TERB1: variants seen among roughly 807,000 people sequenced by gnomAD.
TERB1 encodes the protein telomere repeat binding bouquet formation protein 1.
In TERB1, 63 loss-of-function variants were observed where a neutral mutation model predicts 92.3. The observed-to-expected ratio is 0.68, with a 90% CI of 0.56 to 0.84. The LOEUF (loss-of-function observed/expected upper bound fraction) is 0.84, where lower values mean the gene tolerates loss of function less well. Among genes scored for constraint, TERB1 ranks in the 40% least tolerant of loss-of-function variants. TERB1 has a pLI of 0.00. For synonymous variants in TERB1, 252 were observed against 283.9 expected, an observed-to-expected ratio of 0.89 and a Z score of 1.13; for missense variants, 709 against 843.7, an observed-to-expected ratio of 0.84 and a Z score of 1.98.
At position 66,767,472 on chromosome 16, in the gene TERB1, C is replaced by T. The variant is rs748925835; in HGVS notation, c.1723G>A (p.Val575Ile). The change falls in exon 16 of 19, where the codon GTA becomes ATA. Residue 575 changes from valine to isoleucine, a missense_variant. Transcript: ENST00000433154. ...CTGGGAGTTGCTAGAAAACTGACTACTTCTTTATTTATTATATCTGAACAT... is the reference window on the plus strand; with the variant it reads ...CTGGGAGTTGCTAGAAAACTGACTATTTCTTTATTTATTATATCTGAACAT... ...TLCSDIINKE[V>I]VSFLATPSCS... 6.5e-6 allele frequency: 10 copies of T among 1,526,968 alleles called. No individual in the cohort carries two copies. In the South Asian group the frequency reaches 1.3e-4, roughly 19 times the overall value. 94.6% of individuals were successfully genotyped at this position (1,526,968 alleles called of 1,614,324 possible). A position where few individuals can be genotyped will look rare whatever the true frequency, so the allele number is the denominator to read the frequency against.
At chr16:66,768,045 A>G in intron 15 of TERB1, 59 bp downstream of exon 15, 1 of 1,339,954 alleles carries the variant, frequency 7.5e-7, no homozygotes, top group Non-Finnish European at 1.0e-6. Flanking sequence ...ATTTTTAGCT[A>G]TATTGGTTAC....
intron 16 of TERB1, among the ~76,000 whole-genome samples, chr16:66,761,924 G>A (rs373123503): frequency 2.6e-5 from 4 of 152,124 alleles, no homozygotes; most frequent in East Asian, 3.9e-4. Context: ...GTATTGGCGC[G>A]CCCCTGTAAT....
intron 3 of TERB1, among the ~76,000 whole-genome samples, chr16:66,794,922 AACACACACAC>A (rs57731987): frequency 8.2e-5 from 12 of 146,246 alleles, no homozygotes; most frequent in East Asian, 2.0e-4. Flanking sequence ...AAAAAAAAAA[AACACACACAC>A]ACACACACAC....
rs988290045 is a variant in TERB1 at position 66,770,041 on chromosome 16, A to G, written c.1541T>C (p.Leu514Ser). 6.4e-7 allele frequency: 1 copy of G among 1,551,784 alleles called. No homozygotes were observed. The highest frequency in any genetic ancestry group is 2.0e-5 in the Admixed American group (1 of 50,994). Residue 514 changes from leucine (L) to serine (S), a missense_variant, in exon 14 of 19, where the codon TTA becomes TCA. Leu to Ser is a moderately radical substitution (Grantham distance 145). Transcript: ENST00000433154. ...CYRESEQNKT[L>S]YKAKSSCNQN... is the part of the protein sequence containing the mutation. ...ATTGCAGCTTGACTTGGCTTTATAT[A>G]AAGTCTTATTTTGCTCACTCTCCCT...
intron 16 of TERB1, among the ~76,000 whole-genome samples, chr16:66,760,350 T>C (rs1488815956): frequency 1.4e-5 from 2 of 138,796 alleles, no homozygotes; most frequent in African/African-American, 2.7e-5. Flanking sequence ...TCCCAGCTAC[T>C]TGGGAGGCTG....
chr16:66,758,733 C>A (rs756224427), intron 18 of TERB1, 40 bp downstream of exon 18: 13 of 1,261,184 alleles, frequency 1.0e-5, no homozygotes, highest in South Asian at 2.6e-5. Flanking sequence ...AGAGCCAGAC[C>A]CTGTCTCAAG....
intron 5 of TERB1, 139 bp from the exon 6 acceptor site, chr16:66,788,436 A>G (rs2018764471): frequency 4.7e-6 from 3 of 636,416 alleles, no homozygotes; most frequent in Non-Finnish European, 7.4e-6. Flanking sequence ...TAGTCATACA[A>G]CAAAATTTCT....
At chr16:66,790,423 G>GAAAGGA (rs2018811866) in intron 5 of TERB1, among the ~76,000 whole-genome samples, 172 bp downstream of exon 5, 1 of 149,744 alleles carries the variant, frequency 6.7e-6, no homozygotes, top group Non-Finnish European at 1.5e-5. Context: ...GAAAGGAAAG[G>GAAAGGA]AAGGAAAGAG....
chr16:66,784,291 G>T (rs955195317), intron 9 of TERB1, among the ~76,000 whole-genome samples: 1 of 151,030 alleles, frequency 6.6e-6, no homozygotes, highest in Non-Finnish European at 1.5e-5. Context: ...TTACTTGGTT[G>T]GCTAATTTCT....
intron 14 of TERB1, 92 bp downstream of exon 14, chr16:66,769,871 T>C (rs1363588103): frequency 2.4e-5 from 21 of 883,844 alleles, no homozygotes; most frequent in Middle Eastern, 3.2e-4. Flanking sequence ...ATGTCACTTC[T>C]ACATGCCCAA....
chr16:66,774,239 G>A (rs2018504622), intron 12 of TERB1, among the ~76,000 whole-genome samples: 1 of 136,996 alleles, frequency 7.3e-6, no homozygotes, highest in Non-Finnish European at 1.5e-5. Context: ...AGGCTGGAGT[G>A]CAGTGGCGCA....
chr16:66,758,717 G>T (rs1597006052), intron 18 of TERB1, 56 bp downstream of exon 18: 2 of 1,087,278 alleles, frequency 1.8e-6, no homozygotes, highest in East Asian at 5.3e-5. Flanking sequence ...CTCCATCCTG[G>T]GTAACAGAGC....
chr16:66,767,801 C>A (rs1341929419), intron 15 of TERB1, among the ~76,000 whole-genome samples: 1 of 151,876 alleles, frequency 6.6e-6, no homozygotes, highest in Non-Finnish European at 1.5e-5. Context: ...GATCTCGGCT[C>A]ACTGCAACCT....
chr16:66,797,623 C>CCACACACACACACACACACACA (rs71145942), intron 2 of TERB1, among the ~76,000 whole-genome samples: 38 of 140,950 alleles, frequency 2.7e-4, no homozygotes, highest in Non-Finnish European at 3.6e-4. Context: ...TAAAAACACA[C>CCACACACACACACACACACACA]CACACACACA....
intron 3 of TERB1, among the ~76,000 whole-genome samples, chr16:66,795,614 G>A (rs2018916775): frequency 6.6e-6 from 1 of 152,022 alleles, no homozygotes; most frequent in Admixed American, 6.6e-5. Context: ...GGTTTGAGAG[G>A]GGAATCACCA....
At chr16:66,776,873 G>C (rs763163479) in intron 11 of TERB1, among the ~76,000 whole-genome samples, 5 of 151,762 alleles carry the variant, frequency 3.3e-5, no homozygotes, top group Non-Finnish European at 5.9e-5. Flanking sequence ...AAGGGAAGGA[G>C]CTTTCTCCCT....
intron 3 of TERB1, among the ~76,000 whole-genome samples, chr16:66,794,843 G>A (rs895273079): frequency 6.6e-6 from 1 of 151,696 alleles, no homozygotes; most frequent in Non-Finnish European, 1.5e-5. Context: ...CTGGGAGGCC[G>A]AGCTTGCAGT....
chr16:66,790,135 T>C (rs1212346108), intron 5 of TERB1, among the ~76,000 whole-genome samples: 3 of 152,146 alleles, frequency 2.0e-5, no homozygotes, highest in African/African-American at 4.8e-5. Flanking sequence ...TGAATTTCTA[T>C]ACCCAAAGCA....
At chr16:66,790,407 C>CGAAAG (rs1046117924) in intron 5 of TERB1, among the ~76,000 whole-genome samples, 188 bp downstream of exon 5, 1 of 115,150 alleles carries the variant, frequency 8.7e-6, no homozygotes, top group African/African-American at 3.4e-5. Flanking sequence ...GGAAAGGAAA[C>CGAAAG]GAAAGGAAAG....
Sources: gnomAD v4.1 joint callset for allele counts (sites outside exome capture counted in the v4.1 genomes callset) on GRCh38, gnomAD v4.1.1 for gene constraint, MANE v1.5 for transcripts, NCBI Gene and HGNC (gene_info 2026-07-23, HGNC 2026-07-21) for gene names.